Variants in PAX3 observed in about 807,000 individuals in gnomAD.
PAX3 encodes paired box protein Pax-3.
In PAX3, 14 loss-of-function variants were observed where a neutral mutation model predicts 51.6. The ratio of observed to expected loss-of-function variants is 0.27; its 90% CI spans 0.18 to 0.42. The LOEUF (loss-of-function observed/expected upper bound fraction) is 0.42. Ranked by LOEUF, PAX3 falls within the 10% of genes least tolerant of loss-of-function variation. The pLI, the probability that PAX3 is intolerant of heterozygous loss-of-function variation, is 1.00. For missense variants in PAX3, 540 were observed against 642.8 expected, an observed-to-expected ratio of 0.84 and a Z score of 1.73; for synonymous variants, 280 against 253.4, an observed-to-expected ratio of 1.11 and a Z score of -1.00.
chr2:222,208,654 C>T (rs1421119721), intron 7 of PAX3, among the ~76,000 whole-genome samples: 1 of 152,150 alleles, frequency 6.6e-6, no homozygotes. Flanking sequence ...ACCACTGTAG[C>T]CCTCTAAAGC....
intron 7 of PAX3, among the ~76,000 whole-genome samples, chr2:222,213,860 C>T (rs779527577): frequency 2.0e-5 from 3 of 152,156 alleles, no homozygotes; most frequent in Non-Finnish European, 4.4e-5. Context: ...CTTCTGGATG[C>T]GTACCCAAAA....
At chr2:222,222,427 A>G (rs1190313021) in intron 5 of PAX3, among the ~76,000 whole-genome samples, 1 of 148,336 alleles carries the variant, frequency 6.7e-6, no homozygotes, top group African/African-American at 2.5e-5. Context: ...TTTTTTTGAG[A>G]CAGTCTTGCT....
intron 4 of PAX3, among the ~76,000 whole-genome samples, chr2:222,249,769 T>G (rs1356863315): frequency 1.3e-5 from 2 of 152,186 alleles, no homozygotes; most frequent in Admixed American, 6.5e-5. Flanking sequence ...AAGCCAGTCT[T>G]CAAGTGAAAG....
At position 222,238,805 on chromosome 2, in the gene PAX3, T is replaced by C. The variant is rs1692894239; in HGVS notation, c.587-6522A>G. 3.3e-5 allele frequency among the ~76,000 whole-genome samples: 5 copies of C among 152,346 alleles called. No individual in the cohort carries two copies. In the South Asian group the frequency reaches 1.0e-3, roughly 32 times the overall value. ...TCCTGAGAGCTCCATGAAGCCTTTT[T>C]ATACTGCGAGTCTGATCACTTAAGG... On this transcript the variant is annotated intron_variant, in intron 4 of 8. Coordinates refer to ENST00000392070, the MANE Select transcript of PAX3 (RefSeq NM_181458.4).
intron 1 of PAX3, 33 bp downstream of exon 1, chr2:222,298,498 G>A: frequency 6.4e-7 from 1 of 1,553,770 alleles, no homozygotes; most frequent in Non-Finnish European, 8.8e-7. Flanking sequence ...CCAGGCCCTG[G>A]GATCCAGGCG....
At chr2:222,246,892 G>A (rs1693248386) in intron 4 of PAX3, among the ~76,000 whole-genome samples, 2 of 152,074 alleles carry the variant, frequency 1.3e-5, no homozygotes, top group Non-Finnish European at 2.9e-5. Flanking sequence ...TACTCCTTTT[G>A]ATTTGTTCAT....
chr2:222,294,665 C>T (rs1316613691), intron 3 of PAX3, among the ~76,000 whole-genome samples: 1 of 151,784 alleles, frequency 6.6e-6, no homozygotes, highest in Admixed American at 6.6e-5. Context: ...AATTCTCCCA[C>T]CAGCCCACCG....
chr2:222,234,162 A>C (rs1692712535), intron 4 of PAX3, among the ~76,000 whole-genome samples: 1 of 152,212 alleles, frequency 6.6e-6, no homozygotes, highest in Non-Finnish European at 1.5e-5. Flanking sequence ...CTAAGAGGCA[A>C]TAGAGTAAAT....
At chr2:222,239,615 C>T (rs781633273) in intron 4 of PAX3, among the ~76,000 whole-genome samples, 10 of 151,926 alleles carry the variant, frequency 6.6e-5, no homozygotes, top group Non-Finnish European at 1.2e-4. Context: ...TTGAACTTTC[C>T]GGAATTCTTA....
At chr2:222,222,000 T>C (rs1414798096) in intron 5 of PAX3, among the ~76,000 whole-genome samples, 1 of 152,156 alleles carries the variant, frequency 6.6e-6, no homozygotes, top group Non-Finnish European at 1.5e-5. Context: ...AAAGCCTTTT[T>C]TTATCTAAAA....
At chr2:222,291,775 C>G (rs1695048632) in intron 4 of PAX3, among the ~76,000 whole-genome samples, 1 of 152,140 alleles carries the variant, frequency 6.6e-6, no homozygotes, top group South Asian at 2.1e-4. Flanking sequence ...AAGCGGGCAG[C>G]CTGGGATTTT....
At chr2:222,290,657 A>G (rs937980681) in intron 4 of PAX3, among the ~76,000 whole-genome samples, 1 of 152,178 alleles carries the variant, frequency 6.6e-6, no homozygotes, top group Non-Finnish European at 1.5e-5. Flanking sequence ...TTTAAGCGAG[A>G]GTCTTGCAGT....
intron 5 of PAX3, among the ~76,000 whole-genome samples, chr2:222,224,618 C>T (rs1208832332): frequency 6.6e-6 from 1 of 152,182 alleles, no homozygotes; most frequent in East Asian, 1.9e-4. Flanking sequence ...ACTTTCAATA[C>T]CTGAACGAAC....
intron 4 of PAX3, among the ~76,000 whole-genome samples, chr2:222,245,211 C>T (rs1033941735): frequency 6.6e-6 from 1 of 152,104 alleles, no homozygotes; most frequent in Non-Finnish European, 1.5e-5. Flanking sequence ...AAATTCAGTG[C>T]TCCCAAATAC....
intron 7 of PAX3, among the ~76,000 whole-genome samples, chr2:222,205,342 G>T (rs1691464976): frequency 6.6e-6 from 1 of 152,018 alleles, no homozygotes; most frequent in African/African-American, 2.4e-5. Context: ...TGTCACTATT[G>T]TCACACACAG....
At chr2:222,208,020 T>TAA (rs1553570359) in intron 7 of PAX3, among the ~76,000 whole-genome samples, 21 of 147,666 alleles carry the variant, frequency 1.4e-4, no homozygotes, top group South Asian at 2.1e-4. Flanking sequence ...TATATATATA[T>TAA]AACTTCTAGT....
chr2:222,211,643 G>C, intron 7 of PAX3, among the ~76,000 whole-genome samples: 1 of 152,108 alleles, frequency 6.6e-6, no homozygotes, highest in Non-Finnish European at 1.5e-5. Flanking sequence ...GAAACAAATG[G>C]ATCAAGAGTT....
In PAX3 at chr2:222,224,537, G is replaced by A. The variant is rs1574652388; in HGVS notation, c.793-3150C>T. ...AAGAACTGGTCTTTGCCTTCTTTAT[G>A]TTTTGAAACTCAAAACAGACAAATT... On this transcript the variant is annotated intron_variant, in intron 5 of 8. Transcript: ENST00000392070. Among the ~76,000 whole-genome samples the A allele has an allele frequency of 2.0e-5, 3 of 152,048 alleles. No individual in the cohort carries two copies. In the East Asian group the frequency reaches 5.8e-4, roughly 29 times the overall value.
At chr2:222,249,098 T>C (rs1267588003) in intron 4 of PAX3, among the ~76,000 whole-genome samples, 7 of 152,154 alleles carry the variant, frequency 4.6e-5, no homozygotes, top group African/African-American at 1.7e-4. Context: ...TCATGTAACT[T>C]ACATGTTTTC....
Sources: allele counts gnomAD v4.1 joint callset (sites outside exome capture counted in the v4.1 genomes callset), GRCh38; gene constraint gnomAD v4.1.1; transcripts MANE v1.5; gene names NCBI Gene and HGNC (gene_info 2026-07-23, HGNC 2026-07-21).